Variants in NRXN1 observed in about 807,000 individuals in gnomAD.
NRXN1 encodes the protein neurexin-1.
In NRXN1, 39 loss-of-function variants were observed where a neutral mutation model predicts 150.9. The ratio of observed to expected loss-of-function variants is 0.26; its 90% confidence interval spans 0.20 to 0.34. The LOEUF (loss-of-function observed/expected upper bound fraction) is 0.34. Among genes scored for constraint, NRXN1 ranks in the 10% least tolerant of loss-of-function variants. NRXN1 has a pLI of 1.00. For missense variants in NRXN1, 1,815 were observed against 1,949.9 expected (o/e 0.93, Z 1.30); for synonymous variants, 924 against 757.0 (o/e 1.22, Z -3.62).
chr2:50,324,968 T>A (rs1251344212), intron 17 of NRXN1, among the ~76,000 whole-genome samples: 1 of 152,212 alleles, frequency 6.6e-6, no homozygotes, highest in Non-Finnish European at 1.5e-5. Context: ...TTTGATGCAC[T>A]ACCCAGAATT....
At chr2:50,415,961 A>G (rs2083506828) in intron 17 of NRXN1, among the ~76,000 whole-genome samples, 1 of 151,646 alleles carries the variant, frequency 6.6e-6, no homozygotes, top group Non-Finnish European at 1.5e-5. Context: ...CATACAAAAA[A>G]AAAAAAAAAA....
chr2:50,218,218 A>G (rs564371713), intron 18 of NRXN1, among the ~76,000 whole-genome samples: 1 of 152,200 alleles, frequency 6.6e-6, no homozygotes, highest in East Asian at 1.9e-4. Context: ...AAGCATATGC[A>G]ATATCTCATC....
chr2:50,871,504 T>C (rs1677774795), intron 5 of NRXN1, among the ~76,000 whole-genome samples: 1 of 151,878 alleles, frequency 6.6e-6, no homozygotes, highest in Admixed American at 6.6e-5. Context: ...ATGTGTACAA[T>C]AAATTATGCT....
At position 50,393,866 on chromosome 2, in the gene NRXN1, A is replaced by C. The variant is rs970696747; in HGVS notation, c.3364+71576T>G. Among the ~76,000 whole-genome samples the C allele has an allele frequency of 5.3e-5, 8 of 152,086 alleles. 1 individual carries two copies. The highest frequency in any genetic ancestry group is 1.9e-4 in the African/African-American group (8 of 41,440). On this transcript the variant is annotated intron_variant, in intron 17 of 22. Transcript: ENST00000401669. ...ATCACAGGCAGCAAATAAACCCAAG[A>C]CATTTTCAAATCAACAGGTGTCATC...
intron 16 of NRXN1, among the ~76,000 whole-genome samples, chr2:50,467,476 G>C (rs2089014346): frequency 6.6e-6 from 1 of 151,550 alleles, no homozygotes; most frequent in Non-Finnish European, 1.5e-5. Context: ...AGAATTTTCT[G>C]TAATTATATT....
chr2:50,416,968 A>G (rs1380651555), intron 17 of NRXN1: 1 of 152,152 alleles, frequency 6.6e-6, no homozygotes, highest in Non-Finnish European at 1.5e-5. Flanking sequence ...TAGTGCAGTA[A>G]ATGAAACTGC....
chr2:50,743,967 C>T (rs1699733525), intron 5 of NRXN1, among the ~76,000 whole-genome samples: 1 of 152,110 alleles, frequency 6.6e-6, no homozygotes, highest in African/African-American at 2.4e-5. Context: ...AGATTGCCCT[C>T]AAACCAGGTC....
chr2:50,196,257 C>A (rs181495226), intron 18 of NRXN1, among the ~76,000 whole-genome samples: 1 of 152,178 alleles, frequency 6.6e-6, no homozygotes, highest in East Asian at 1.9e-4. Flanking sequence ...GGTAGATTCA[C>A]TCCCTGAAGT....
At position 50,952,176 on chromosome 2, in the gene NRXN1, C is replaced by T. The variant is rs1031469013; in HGVS notation, c.773-26221G>A. Among the ~76,000 whole-genome samples the T allele has an allele frequency of 4.6e-4, 70 of 151,142 alleles. 1 individual carries two copies. The highest frequency in any genetic ancestry group is 1.6e-3 in the African/African-American group (66 of 41,352). On this transcript the variant is annotated intron_variant, in intron 2 of 22. Transcript: ENST00000401669. Reference sequence around the variant, plus strand: ...AGAGACGGGGTTTCACCGTTTTAGCCGGGATGGTCTCGATCTCCTGACCTC... The same window carrying T: ...AGAGACGGGGTTTCACCGTTTTAGCTGGGATGGTCTCGATCTCCTGACCTC...
chr2:50,605,423 A>G lies in NRXN1; in HGVS notation c.1320+14599T>C, dbSNP rs533753508. Among the ~76,000 whole-genome samples the G allele has an allele frequency of 1.5e-4, 23 of 152,334 alleles. No homozygotes were observed. The South Asian group carries it at 4.6e-3, about 30-fold the overall frequency. On this transcript the variant is annotated intron_variant, in intron 8 of 22. Coordinates refer to ENST00000401669, the MANE Select transcript of NRXN1 (RefSeq NM_001330078.2). ...TGGAGGAGTTGCCCTATTCTCCAGT[A>G]GAAACTCAATAGCAATGACAACAAT...
intron 5 of NRXN1, among the ~76,000 whole-genome samples, chr2:50,837,840 T>C (rs1672326026): frequency 6.6e-6 from 1 of 152,168 alleles, no homozygotes; most frequent in South Asian, 2.1e-4. Context: ...TTAGTTTTAT[T>C]AGGAAATACA....
chr2:51,008,238 G>C (rs929976324), intron 2 of NRXN1, among the ~76,000 whole-genome samples: 4 of 151,860 alleles, frequency 2.6e-5, no homozygotes, highest in African/African-American at 7.2e-5. Context: ...AAGAGAGTCA[G>C]AGAGTAGCTC....
chr2:50,596,863 C>CA (rs35104444), intron 8 of NRXN1, among the ~76,000 whole-genome samples: 2 of 92,152 alleles, frequency 2.2e-5, no homozygotes, highest in Non-Finnish European at 2.0e-5. Context: ...ATTCCTAGGA[C>CA]TTTTTTTTTT....
At chr2:50,407,993 C>G (rs17040606) in intron 17 of NRXN1, among the ~76,000 whole-genome samples, 45,858 of 152,004 alleles carry the variant, frequency 0.3, 8,690 homozygotes, top group African/African-American at 0.53. Flanking sequence ...TCCAATTAAA[C>G]TAAATGTTAA....
At chr2:50,880,843 G>A (rs546664715) in intron 5 of NRXN1, among the ~76,000 whole-genome samples, 2 of 152,024 alleles carry the variant, frequency 1.3e-5, no homozygotes, top group East Asian at 1.9e-4. Flanking sequence ...GTATGGGGCT[G>A]TACCAAATGG....
At chr2:50,973,020 A>T (rs1383984588) in intron 2 of NRXN1, among the ~76,000 whole-genome samples, 1 of 152,190 alleles carries the variant, frequency 6.6e-6, no homozygotes, top group Non-Finnish European at 1.5e-5. Flanking sequence ...TCCACATGGC[A>T]ATCTGTACTG....
At chr2:50,550,664 CTTATTT>C (rs1205940391) in intron 9 of NRXN1, among the ~76,000 whole-genome samples, 83 of 150,412 alleles carry the variant, frequency 5.5e-4, no homozygotes, top group African/African-American at 1.9e-3. Context: ...CTCTTCTCAG[CTTATTT>C]TTATTTTTAT....
chr2:50,728,099 T>G (rs1283955193), intron 5 of NRXN1, among the ~76,000 whole-genome samples: 2 of 152,150 alleles, frequency 1.3e-5, no homozygotes, highest in Non-Finnish European at 2.9e-5. Flanking sequence ...TAGCATACTG[T>G]TAGATGTAGT....
At chr2:50,945,272 T>C (rs1306107678) in intron 2 of NRXN1, among the ~76,000 whole-genome samples, 1 of 152,136 alleles carries the variant, frequency 6.6e-6, no homozygotes, top group Non-Finnish European at 1.5e-5. Context: ...CCCCAAGTTC[T>C]AGACCAGCCT....
Sources: gnomAD v4.1 joint callset for allele counts (sites outside exome capture counted in the v4.1 genomes callset) on GRCh38, gnomAD v4.1.1 for gene constraint, MANE v1.5 for transcripts, NCBI Gene and HGNC (gene_info 2026-07-23, HGNC 2026-07-21) for gene names.